MTCL1: variants seen among roughly 807,000 people sequenced by gnomAD.
The protein encoded by MTCL1 is microtubule crosslinking factor 1.
In MTCL1, 79 loss-of-function variants were observed where a neutral mutation model predicts 141.4. That is an observed-to-expected ratio of 0.56 (90% CI 0.47 to 0.67). The LOEUF (loss-of-function observed/expected upper bound fraction) is 0.67. MTCL1 is among the 30% of genes least tolerant of loss of function. MTCL1 has a pLI of 0.00. For synonymous variants in MTCL1, 914 were observed against 875.8 expected (o/e 1.04, Z -0.77); for missense variants, 2,177 against 2,113.9 (o/e 1.03, Z -0.59).
exon 7 of MTCL1, chr18:8,786,085 C>T (rs2096553000): frequency 6.4e-7 from 1 of 1,565,500 alleles, no homozygotes; most frequent in South Asian, 1.2e-5. Flanking sequence ...CCTGCTTCAG[C>T]CTGGAGGTCA....
At chr18:8,777,848 A>G in exon 5 of MTCL1, 1 of 1,613,948 alleles carries the variant, frequency 6.2e-7, no homozygotes, top group Non-Finnish European at 8.5e-7. Flanking sequence ...CCTAAAAAGA[A>G]GAAGCACTCG....
intron 7 of MTCL1, among the ~76,000 whole-genome samples, chr18:8,790,018 A>G (rs543908769): frequency 6.6e-6 from 1 of 152,358 alleles, no homozygotes; most frequent in Non-Finnish European, 1.5e-5. Flanking sequence ...AAGGAAAATG[A>G]AACTTCTGAT....
chr18:8,705,937 G>T lies in MTCL1; in HGVS notation c.277G>T (p.Ala93Ser), dbSNP rs2096057250. 1 of 1,088,364 alleles carries T rather than the reference G, an allele frequency of 9.2e-7. No homozygotes were observed. The highest frequency in any genetic ancestry group is 4.3e-5 in the South Asian group (1 of 23,118). 67.4% of individuals were successfully genotyped at this position (1,088,364 alleles called of 1,614,324 possible). A position where few individuals can be genotyped will look rare whatever the true frequency, so the allele number is the denominator to read the frequency against. ...GCCGCCCTCGCCGGGGTCCCTGGCC[G>T]CGCCCGGCCGCCTCTCTCGGCGCAG... The change falls in exon 1 of 14, where the codon GCG becomes TCG. Residue 93 changes from alanine (A) to serine (S), a missense_variant. Ala to Ser is a moderately conservative substitution (Grantham distance 99). Transcript: ENST00000306329. The surrounding 1 kb of genome is among the most constrained non-coding windows in gnomAD (Gnocchi z 5.2).
chr18:8,770,820 G>A (rs1025489217), intron 4 of MTCL1, among the ~76,000 whole-genome samples: 1 of 152,100 alleles, frequency 6.6e-6, no homozygotes, highest in African/African-American at 2.4e-5. Context: ...TTTTCCACTG[G>A]ATCTGAGAAG....
At chr18:8,832,434 C>T (rs2144587295) in exon 17 of MTCL1, 1 of 154,456 alleles carries the variant, frequency 6.5e-6, no homozygotes, top group East Asian at 1.9e-4. Flanking sequence ...CTGTATGATC[C>T]TTATATTATC....
exon 1 of MTCL1, chr18:8,706,247 C>G (rs992347421): frequency 1.6e-6 from 2 of 1,228,154 alleles, no homozygotes; most frequent in Non-Finnish European, 2.0e-6. Context: ...GTGGCCGGGT[C>G]CCCGGCCCGC....
chr18:8,765,438 A>G (rs2096455249), intron 4 of MTCL1, among the ~76,000 whole-genome samples: 1 of 152,250 alleles, frequency 6.6e-6, no homozygotes, highest in South Asian at 2.1e-4. Flanking sequence ...CGTGTGCGCC[A>G]GAGGCAGCTG....
intron 4 of MTCL1, among the ~76,000 whole-genome samples, chr18:8,773,175 T>TGTCTC (rs2096491898): frequency 6.6e-6 from 1 of 152,166 alleles, no homozygotes; most frequent in East Asian, 1.9e-4. Flanking sequence ...GTCCTTAGGG[T>TGTCTC]ATGTTCTCAG....
At chr18:8,727,705 T>C (rs1052546558) in intron 4 of MTCL1, among the ~76,000 whole-genome samples, 11 of 152,264 alleles carry the variant, frequency 7.2e-5, no homozygotes, top group African/African-American at 2.7e-4. Context: ...CTGAACAGAA[T>C]GTAGCTACAT....
At chr18:8,792,961 A>G (rs370953088) in intron 7 of MTCL1, 37 bp from the exon 7 acceptor site, 48 of 1,609,964 alleles carry the variant, frequency 3.0e-5, no homozygotes, top group Non-Finnish European at 4.0e-5. Flanking sequence ...CAGAGTTCTC[A>G]TTTCCACTAA....
intron 11 of MTCL1, chr18:8,811,107 C>T (rs1598765327): frequency 6.6e-6 from 1 of 152,340 alleles, no homozygotes; most frequent in East Asian, 1.9e-4. Context: ...ATTTATTTAA[C>T]AACAAGGTTT....
intron 4 of MTCL1, among the ~76,000 whole-genome samples, chr18:8,767,987 A>C (rs2096467139): frequency 6.6e-6 from 1 of 152,222 alleles, no homozygotes; most frequent in Non-Finnish European, 1.5e-5. Flanking sequence ...AAATTTTGTC[A>C]TTAAAATTTT....
At chr18:8,716,819 C>T (rs138105147), upstream of MTCL1, among the ~76,000 whole-genome samples, 667 of 152,170 alleles carry the variant, frequency 4.4e-3, 1 homozygote, top group Middle Eastern at 0.014. Context: ...ATTCTGGAGG[C>T]ATCTGAAACT....
In MTCL1 at chr18:8,726,492, AGAGCGCGCGCGCGCGCAAGAGCGAGC is replaced by A. The variant is rs1281429248; in HGVS notation, c.357+6000_357+6025del. 6.3e-5 allele frequency among the ~76,000 whole-genome samples: 7 copies of A among 110,984 alleles called. No individual in the cohort carries two copies. In the South Asian group the frequency reaches 8.1e-4, roughly 13 times the overall value. 72.8% of individuals were successfully genotyped at this position (110,984 alleles called of 152,430 possible). Reference sequence around the variant, plus strand: ...TAAGAGGAGAGAGAGAGAGAGAGAGAGAGCGCGCGCGCGCGCAAGAGCGAGCGAGAGAGAGCGAGTGCGCATGCGCG... The same window carrying A: ...TAAGAGGAGAGAGAGAGAGAGAGAGAGAGAGAGAGCGAGTGCGCATGCGCG... On this transcript the variant is annotated intron_variant, in intron 4 of 16. Transcript: ENST00000359865.
intron 16 of MTCL1, chr18:8,829,217 C>T (rs566259110): frequency 3.6e-5 from 35 of 985,420 alleles, no homozygotes; most frequent in Middle Eastern, 5.2e-4. Context: ...GAGATTTCTC[C>T]GCTTTTGTAC....
upstream of MTCL1, among the ~76,000 whole-genome samples, chr18:8,714,451 C>A (rs1036754202): frequency 3.3e-5 from 5 of 152,160 alleles, no homozygotes. Flanking sequence ...TTCTGTGAAA[C>A]ACTAGACTGG....
chr18:8,753,604 C>T (rs2096382790), intron 4 of MTCL1, among the ~76,000 whole-genome samples: 1 of 152,158 alleles, frequency 6.6e-6, no homozygotes, highest in African/African-American at 2.4e-5. Context: ...CATCAGAGAG[C>T]CCCTGATGTG....
intron 11 of MTCL1, chr18:8,809,633 G>C (rs953269749): frequency 1.8e-5 from 28 of 1,524,586 alleles, no homozygotes; most frequent in Non-Finnish European, 2.5e-5. Context: ...TGAAAAAAAC[G>C]GAGCAAGTAG....
At chr18:8,766,531 A>G (rs1325946369) in intron 4 of MTCL1, among the ~76,000 whole-genome samples, 1 of 152,222 alleles carries the variant, frequency 6.6e-6, no homozygotes, top group Non-Finnish European at 1.5e-5. Context: ...GCTTTTCAAC[A>G]TTGTCTGCAA....
Sources: allele counts gnomAD v4.1 joint callset (sites outside exome capture counted in the v4.1 genomes callset), GRCh38; gene constraint gnomAD v4.1.1; non-coding constraint Gnocchi (gnomAD v3.1); transcripts MANE v1.5; gene names NCBI Gene and HGNC (gene_info 2026-07-23, HGNC 2026-07-21).